The following ZSCAN5C variants were observed in gnomAD, a reference collection of about 807,000 sequenced individuals.
The protein encoded by ZSCAN5C is zinc finger and SCAN domain-containing protein 5C.
A neutral mutation model predicts 17.3 loss-of-function variants in ZSCAN5C; 11 were observed. That is an observed-to-expected ratio of 0.64 (90% CI 0.40 to 1.06). The LOEUF (loss-of-function observed/expected upper bound fraction) is 1.06. Among genes scored for constraint, ZSCAN5C ranks in the 50% least tolerant of loss-of-function variants. The probability of loss-of-function intolerance (pLI) is 0.00; values close to 1 mark genes in which losing one functional copy is unlikely to be tolerated. For missense variants in ZSCAN5C, 698 were observed against 538.9 expected (o/e 1.30, Z -2.92); for synonymous variants, 229 against 208.4 (o/e 1.10, Z -0.85).
downstream of ZSCAN5C, chr19:56,209,311 C>T (rs897224945): frequency 1.1e-5 from 6 of 555,858 alleles, no homozygotes; most frequent in African/African-American, 7.6e-5. Flanking sequence ...CAGAGGAGTG[C>T]CCTAGATAGG....
exon 5 of ZSCAN5C, chr19:56,209,176 A>T (rs1176273503): frequency 4.1e-6 from 4 of 972,456 alleles, no homozygotes; most frequent in Non-Finnish European, 6.4e-6. Flanking sequence ...ACCAGAAAAC[A>T]CATCGAGAAG....
exon 5 of ZSCAN5C, chr19:56,208,845 C>A: frequency 6.4e-7 from 1 of 1,563,114 alleles, no homozygotes; most frequent in East Asian, 2.2e-5. Flanking sequence ...AGATCACACA[C>A]AGGCGAGAGA....
intron 2 of ZSCAN5C, among the ~76,000 whole-genome samples, 196 bp from the exon 3 acceptor site, chr19:56,206,863 C>T: frequency 6.6e-6 from 1 of 151,884 alleles, no homozygotes; most frequent in Middle Eastern, 3.4e-3. Flanking sequence ...GGTTTAGAGA[C>T]CCTTTCATCT....
intron 3 of ZSCAN5C, 23 bp downstream of exon 3, chr19:56,207,285 T>C: frequency 1.3e-6 from 1 of 763,458 alleles, no homozygotes; most frequent in Non-Finnish European, 2.4e-6. Context: ...GGCCTTGGTG[T>C]CTGGGCAGAG....
At chr19:56,206,122 A>G (rs2032918676) in exon 2 of ZSCAN5C, 3 of 1,602,834 alleles carry the variant, frequency 1.9e-6, no homozygotes, top group African/African-American at 1.4e-5. Context: ...GAGCTGTGCC[A>G]TCTGTGGCTG....
intron 3 of ZSCAN5C, 62 bp downstream of exon 3, chr19:56,207,324 T>C: frequency 1.4e-6 from 1 of 696,440 alleles, no homozygotes; most frequent in Admixed American, 2.0e-5. Flanking sequence ...GGAAATCGTG[T>C]GGCCACTGGA....
At chr19:56,203,553 T>C (rs1277787084) in intron 1 of ZSCAN5C, among the ~76,000 whole-genome samples, 1 of 151,694 alleles carries the variant, frequency 6.6e-6, no homozygotes, top group African/African-American at 2.4e-5. Flanking sequence ...CAACTGAAAT[T>C]CATACCCTTA....
exon 5 of ZSCAN5C, chr19:56,208,864 G>C: frequency 6.3e-7 from 1 of 1,581,482 alleles, no homozygotes; most frequent in Admixed American, 1.7e-5. Context: ...GACTCTTTCA[G>C]TGTAATCTCT....
At chr19:56,206,035 A>G in exon 2 of ZSCAN5C, 2 of 1,613,428 alleles carry the variant, frequency 1.2e-6, no homozygotes, top group Non-Finnish European at 1.7e-6. Context: ...AGTGATCCTG[A>G]GACTTGTCAC....
chr19:56,205,741 G>T (rs2032912745), intron 1 of ZSCAN5C, 46 bp from the exon 2 acceptor site: 6 of 575,656 alleles, frequency 1.0e-5, no homozygotes, highest in Non-Finnish European at 1.9e-5. Flanking sequence ...GGATGGGGTG[G>T]GTAGAGTAGA....
chr19:56,207,923 C>A (rs2032941947), intron 3 of ZSCAN5C, 111 bp from the exon 4 acceptor site: 4 of 616,402 alleles, frequency 6.5e-6, no homozygotes, highest in Non-Finnish European at 8.7e-6. Flanking sequence ...ACAGTGAAAA[C>A]CACCACACCT....
intron 1 of ZSCAN5C, among the ~76,000 whole-genome samples, chr19:56,205,560 T>C (rs2032911225): frequency 6.6e-6 from 1 of 151,878 alleles, no homozygotes; most frequent in Non-Finnish European, 1.5e-5. Context: ...AATTCAGCCT[T>C]TGCACAATGA....
intron 1 of ZSCAN5C, among the ~76,000 whole-genome samples, chr19:56,202,922 T>C (rs2032886357): frequency 6.6e-6 from 1 of 152,022 alleles, no homozygotes; most frequent in Non-Finnish European, 1.5e-5. Flanking sequence ...CATTGATGAA[T>C]GGGCATCAAC....
chr19:56,209,160 G>T (rs748322715), exon 5 of ZSCAN5C: 2 of 1,180,018 alleles, frequency 1.7e-6, no homozygotes, highest in Non-Finnish European at 2.5e-6. Context: ...GCGACCTTAA[G>T]ACGCCACCAG....
chr19:56,203,121 A>G (rs996169324), intron 1 of ZSCAN5C, among the ~76,000 whole-genome samples: 2 of 151,864 alleles, frequency 1.3e-5, no homozygotes, highest in Non-Finnish European at 2.9e-5. Flanking sequence ...CCCTTTTTTT[A>G]GAGACAGGCT....
At chr19:56,204,652 C>T (rs1399377065) in intron 1 of ZSCAN5C, among the ~76,000 whole-genome samples, 1 of 151,852 alleles carries the variant, frequency 6.6e-6, no homozygotes, top group African/African-American at 2.4e-5. Flanking sequence ...TGGGTTGTCT[C>T]CCGCCTCTGC....
chr19:56,206,675 T>C (rs2032925118), intron 2 of ZSCAN5C, among the ~76,000 whole-genome samples: 1 of 151,682 alleles, frequency 6.6e-6, no homozygotes, highest in East Asian at 1.9e-4. Context: ...TTAGGCCTGA[T>C]GGAATGTAGG....
At chr19:56,203,713 G>C (rs530121906) in intron 1 of ZSCAN5C, among the ~76,000 whole-genome samples, 3 of 144,370 alleles carry the variant, frequency 2.1e-5, no homozygotes, top group Non-Finnish European at 4.5e-5. Flanking sequence ...GCAATGGCGC[G>C]ATCTCTGTTC....
rs747428739 is a variant in ZSCAN5C, at chr19:56,208,202, C to T, written c.739+18C>T. ...CAGTCCCAGTAAGTATGAAGACTTA[C>T]ACCTGTGTGGAGATAGCCCCTCTCT... On this transcript the variant is annotated intron_variant, in intron 4 of 4. Transcript: ENST00000534327. 2.6e-6 allele frequency: 2 copies of T among 772,204 alleles called. No individual in the cohort carries two copies. Among genetic ancestry groups the T allele is most frequent in the Non-Finnish European group, 4.8e-6 (2 of 415,490 alleles). The allele number at this position is 772,204 out of a possible 1,614,324, so 47.8% of individuals were successfully genotyped here.
Sources: gnomAD v4.1 joint callset for allele counts (sites outside exome capture counted in the v4.1 genomes callset) on GRCh38, gnomAD v4.1.1 for gene constraint, MANE v1.5 for transcripts, NCBI Gene and HGNC (gene_info 2026-07-23, HGNC 2026-07-21) for gene names.